The following GALNT13 variants were observed in gnomAD, a reference collection of about 807,000 sequenced individuals.
The protein encoded by GALNT13 is polypeptide N-acetylgalactosaminyltransferase 13, also known as UDP-GalNAc:polypeptide N-acetylgalactosaminyltransferase 13.
GALNT13 carries 28 observed loss-of-function variants against 64.2 expected under a neutral mutation model. The observed-to-expected ratio is 0.44, with a 90% CI of 0.32 to 0.60. GALNT13 has a LOEUF of 0.60. Among genes scored for constraint, GALNT13 ranks in the 20% least tolerant of loss-of-function variants. The pLI is 0.05. For synonymous variants in GALNT13, 214 were observed against 224.6 expected, an observed-to-expected ratio of 0.95 and a Z score of 0.42; for missense variants, 577 against 669.8, an observed-to-expected ratio of 0.86 and a Z score of 1.53.
chr2:153,614,469 G>C, the GALNT13 span, among the ~76,000 whole-genome samples: 1 of 151,876 alleles, frequency 6.6e-6, no homozygotes, highest in African/African-American at 2.4e-5. Context: ...CACAGCACTG[G>C]GGAGGTGGTC....
chr2:153,217,185 T>C, the GALNT13 span, among the ~76,000 whole-genome samples: 1 of 152,086 alleles, frequency 6.6e-6, no homozygotes, highest in South Asian at 2.1e-4. Context: ...TTATTTGTTG[T>C]ATTAAGTAGT....
the GALNT13 span, among the ~76,000 whole-genome samples, chr2:153,760,336 T>C: frequency 1.3e-5 from 2 of 151,944 alleles, no homozygotes; most frequent in Non-Finnish European, 2.9e-5. Context: ...AATTTTTTCT[T>C]CTTTTTTCTT....
At chr2:153,630,778 TA>T in the GALNT13 span, among the ~76,000 whole-genome samples, 1 of 8,156 alleles carries the variant, frequency 1.2e-4, no homozygotes, top group Admixed American at 1.3e-3. Flanking sequence ...TATATATATA[TA>T]TATATATATA....
chr2:153,665,570 G>A, the GALNT13 span, among the ~76,000 whole-genome samples: 1 of 151,842 alleles, frequency 6.6e-6, no homozygotes, highest in African/African-American at 2.4e-5. Context: ...ATCAAAAGAG[G>A]AGAGTGACTC....
the GALNT13 span, among the ~76,000 whole-genome samples, chr2:153,160,816 A>T: frequency 6.6e-6 from 1 of 152,172 alleles, no homozygotes. Context: ...CATAGTTCTG[A>T]TGGGAATGAT....
chr2:153,822,092 T>C, the GALNT13 span, among the ~76,000 whole-genome samples: 1 of 151,846 alleles, frequency 6.6e-6, no homozygotes, highest in Non-Finnish European at 1.5e-5. Flanking sequence ...AGTAACAAAA[T>C]AAAACAACCA....
chr2:154,392,760 T>C (rs1268856532), intron 9 of GALNT13, among the ~76,000 whole-genome samples: 1 of 152,188 alleles, frequency 6.6e-6, no homozygotes, highest in Non-Finnish European at 1.5e-5. Context: ...ATTTGTATTT[T>C]AAATATATTG....
At chr2:153,851,570 T>C in the GALNT13 span, among the ~76,000 whole-genome samples, 2 of 150,286 alleles carry the variant, frequency 1.3e-5, no homozygotes, top group African/African-American at 4.9e-5. Flanking sequence ...CTTGGTGTGA[T>C]GGCATACACC....
At chr2:154,355,537 A>G (rs1394990025) in intron 9 of GALNT13, among the ~76,000 whole-genome samples, 2 of 152,080 alleles carry the variant, frequency 1.3e-5, no homozygotes, top group Non-Finnish European at 2.9e-5. Context: ...TTTTGGCATA[A>G]AGCACAGGAT....
the GALNT13 span, among the ~76,000 whole-genome samples, chr2:153,429,978 G>A: frequency 2.0e-5 from 3 of 152,044 alleles, no homozygotes; most frequent in African/African-American, 7.2e-5. Context: ...AGAATATGTT[G>A]TATTTATAAT....
At chr2:153,602,542 G>A in the GALNT13 span, among the ~76,000 whole-genome samples, 6 of 151,834 alleles carry the variant, frequency 4.0e-5, no homozygotes, top group Non-Finnish European at 7.4e-5. Flanking sequence ...CGGGCAAGAC[G>A]TTTTAAGGAA....
At chr2:154,120,432 A>G (rs1036620667) in intron 3 of GALNT13, among the ~76,000 whole-genome samples, 5 of 152,192 alleles carry the variant, frequency 3.3e-5, no homozygotes, top group African/African-American at 1.2e-4. Flanking sequence ...GCTCATTAGA[A>G]CTGGAAGACT....
At chr2:153,147,008 A>G in the GALNT13 span, among the ~76,000 whole-genome samples, 1 of 151,870 alleles carries the variant, frequency 6.6e-6, no homozygotes, top group Non-Finnish European at 1.5e-5. Context: ...AGAATATAGT[A>G]GAAAACCATT....
the GALNT13 span, among the ~76,000 whole-genome samples, chr2:153,171,334 T>C: frequency 2.0e-5 from 3 of 152,218 alleles, no homozygotes; most frequent in Non-Finnish European, 2.9e-5. Context: ...CATCATTAGA[T>C]AGTGAGCATT....
chr2:153,376,050 G>A, the GALNT13 span, among the ~76,000 whole-genome samples: 2 of 152,098 alleles, frequency 1.3e-5, no homozygotes, highest in Non-Finnish European at 2.9e-5. Flanking sequence ...CTCACAGGGA[G>A]AGCATTAATC....
chr2:153,115,976 AT>A, the GALNT13 span, among the ~76,000 whole-genome samples: 6 of 152,112 alleles, frequency 3.9e-5, no homozygotes, highest in Admixed American at 6.6e-5. Flanking sequence ...GGCCAGTGGT[AT>A]TTTTTTAGAC....
the GALNT13 span, among the ~76,000 whole-genome samples, chr2:153,474,767 C>A: frequency 6.6e-6 from 1 of 152,298 alleles, no homozygotes; most frequent in Non-Finnish European, 1.5e-5. Flanking sequence ...TCAGATAAGT[C>A]CCCCTGGGCC....
At chr2:153,857,761 T>A in the GALNT13 span, among the ~76,000 whole-genome samples, 1 of 152,028 alleles carries the variant, frequency 6.6e-6, no homozygotes, top group Admixed American at 6.6e-5. Context: ...GGACTGCCAG[T>A]GTTTAAATAC....
rs79700540 is a variant in GALNT13 at position 153,968,122 on chromosome 2, C to A, written c.142+23483C>A. 5.3e-3 allele frequency among the ~76,000 whole-genome samples: 804 copies of A among 152,250 alleles called. 5 individuals are homozygous for A. Among genetic ancestry groups the A allele is most frequent in the African/African-American group, 0.018 (758 of 41,544 alleles). ...CTGGTCCGTACCCCAAGTCCACTGC[C>A]TCTGAGACCAGCCTAGCACCAGAGC... On this transcript the variant is annotated intron_variant, in intron 3 of 12. Transcript: ENST00000392825.
Sources: gnomAD v4.1 joint callset for allele counts (sites outside exome capture counted in the v4.1 genomes callset) on GRCh38, gnomAD v4.1.1 for gene constraint, MANE v1.5 for transcripts, NCBI Gene and HGNC (gene_info 2026-07-23, HGNC 2026-07-21) for gene names.